The following L3MBTL4 variants were observed in gnomAD, a reference collection of about 807,000 sequenced individuals.
The protein encoded by L3MBTL4 is L3MBTL histone methyl-lysine binding protein 4.
Under a neutral mutation model 84.5 loss-of-function variants are expected in L3MBTL4, and 70 were observed. The observed-to-expected ratio is 0.83, with a 90% confidence interval of 0.68 to 1.01. The LOEUF is 1.01. L3MBTL4 is among the 50% of genes least tolerant of loss of function. L3MBTL4 has a pLI of 0.00. For synonymous variants in L3MBTL4, 274 were observed against 259.8 expected, an observed-to-expected ratio of 1.05 and a Z score of -0.52; for missense variants, 715 against 754.8, an observed-to-expected ratio of 0.95 and a Z score of 0.62.
intron 16 of L3MBTL4, among the ~76,000 whole-genome samples, chr18:6,023,152 C>T (rs554123291): frequency 1.7e-4 from 26 of 152,256 alleles, no homozygotes; most frequent in African/African-American, 6.0e-4. Context: ...CCAGTAAAGG[C>T]GTGGCTATAC....
At chr18:6,060,501 C>T (rs1206881704) in intron 16 of L3MBTL4, among the ~76,000 whole-genome samples, 1 of 151,670 alleles carries the variant, frequency 6.6e-6, no homozygotes, top group Non-Finnish European at 1.5e-5. Flanking sequence ...CCCCCTTTAC[C>T]CCTAATCCCA....
intron 5 of L3MBTL4, among the ~76,000 whole-genome samples, chr18:6,244,830 G>C (rs904145743): frequency 2.0e-5 from 3 of 152,206 alleles, no homozygotes; most frequent in Admixed American, 2.0e-4. Flanking sequence ...GTGTGAGTAT[G>C]CTTGATTCAA....
chr18:6,011,431 T>A (rs538722149), intron 16 of L3MBTL4, among the ~76,000 whole-genome samples: 1 of 152,196 alleles, frequency 6.6e-6, no homozygotes, highest in Non-Finnish European at 1.5e-5. Flanking sequence ...GACAGCTCTA[T>A]GGAATTCAAG....
chr18:6,245,670 A>G (rs1052149239), intron 5 of L3MBTL4, among the ~76,000 whole-genome samples: 3 of 150,608 alleles, frequency 2.0e-5, no homozygotes, highest in African/African-American at 4.9e-5. Flanking sequence ...GCTCACTGCA[A>G]CCTCCGCCTC....
intron 13 of L3MBTL4, among the ~76,000 whole-genome samples, chr18:6,149,855 CTT>C (rs1334517764): frequency 6.6e-6 from 1 of 152,196 alleles, no homozygotes; most frequent in Non-Finnish European, 1.5e-5. Flanking sequence ...CCCCTTCTCT[CTT>C]TCTCTCTCTC....
At chr18:6,398,009 C>T (rs373834904) in intron 1 of L3MBTL4, 8 of 152,128 alleles carry the variant, frequency 5.3e-5, no homozygotes, top group South Asian at 4.1e-4. Context: ...TTCCCTCTTA[C>T]ATTTTTGTTG....
At chr18:5,980,159 G>A (rs1027516205) in intron 16 of L3MBTL4, among the ~76,000 whole-genome samples, 7 of 152,170 alleles carry the variant, frequency 4.6e-5, no homozygotes, top group African/African-American at 1.2e-4. Context: ...GTCAGTCTGC[G>A]TTGTGGGGTG....
intron 15 of L3MBTL4, among the ~76,000 whole-genome samples, chr18:6,092,547 C>G (rs16949402): frequency 0.04 from 6,132 of 152,318 alleles, 155 homozygotes; most frequent in Admixed American, 0.061. Context: ...AGGTCTTGAA[C>G]ATGATTGCCT....
intron 1 of L3MBTL4, among the ~76,000 whole-genome samples, chr18:6,345,405 C>A (rs1209882662): frequency 6.6e-6 from 1 of 150,572 alleles, no homozygotes; most frequent in South Asian, 2.1e-4. Context: ...CAAAAACAAA[C>A]AAACAAACAA....
chr18:6,279,832 C>T (rs1459493843), intron 4 of L3MBTL4, among the ~76,000 whole-genome samples: 8 of 152,080 alleles, frequency 5.3e-5, no homozygotes, highest in Non-Finnish European at 1.2e-4. Context: ...TTCCCTTGAC[C>T]TTTTTCCTCT....
intron 1 of L3MBTL4, among the ~76,000 whole-genome samples, chr18:6,393,799 G>A (rs341225): frequency 3.8e-4 from 58 of 152,146 alleles, no homozygotes; most frequent in African/African-American, 1.3e-3. Context: ...TGGCCTCCAC[G>A]GCCAGTGATA....
intron 5 of L3MBTL4, among the ~76,000 whole-genome samples, chr18:6,257,262 C>T (rs922310179): frequency 2.6e-5 from 4 of 152,002 alleles, no homozygotes; most frequent in Non-Finnish European, 4.4e-5. Context: ...GAACCTCTCC[C>T]GGGAACCAGA....
At chr18:6,039,449 A>C (rs1234560485) in intron 16 of L3MBTL4, among the ~76,000 whole-genome samples, 3 of 152,200 alleles carry the variant, frequency 2.0e-5, no homozygotes, top group Non-Finnish European at 4.4e-5. Flanking sequence ...GTCTGTGCTA[A>C]AGAAAAGAGC....
chr18:6,292,857 A>G (rs997055416), intron 4 of L3MBTL4, among the ~76,000 whole-genome samples: 1 of 152,168 alleles, frequency 6.6e-6, no homozygotes, highest in Non-Finnish European at 1.5e-5. Context: ...TTTAATGGCT[A>G]CTGAAACCAC....
intron 4 of L3MBTL4, among the ~76,000 whole-genome samples, chr18:6,295,760 T>C (rs2050084327): frequency 6.6e-6 from 1 of 152,092 alleles, no homozygotes; most frequent in Non-Finnish European, 1.5e-5. Context: ...TCAGTGGAAA[T>C]ATAATTCTTT....
At chr18:6,042,349 A>T (rs2056441901) in intron 16 of L3MBTL4, among the ~76,000 whole-genome samples, 1 of 151,922 alleles carries the variant, frequency 6.6e-6, no homozygotes, top group Non-Finnish European at 1.5e-5. Context: ...CAAAACATAC[A>T]CACACACATA....
At chr18:6,110,988 C>G (rs562515067) in intron 14 of L3MBTL4, among the ~76,000 whole-genome samples, 64 of 152,210 alleles carry the variant, frequency 4.2e-4, no homozygotes, top group African/African-American at 1.5e-3. Flanking sequence ...CTCCCACCCC[C>G]CAGGTCCTAT....
intron 1 of L3MBTL4, among the ~76,000 whole-genome samples, chr18:6,340,080 C>A (rs2052535036): frequency 6.6e-6 from 1 of 152,010 alleles, no homozygotes; most frequent in African/African-American, 2.4e-5. Flanking sequence ...GCCAAAATAA[C>A]AACAGCCTAA....
At chr18:6,011,492 G>A (rs978850060) in intron 16 of L3MBTL4, among the ~76,000 whole-genome samples, 20 of 152,124 alleles carry the variant, frequency 1.3e-4, no homozygotes, top group African/African-American at 3.4e-4. Flanking sequence ...GGTATTAATC[G>A]AGTAGTATTC....
Sources: gnomAD v4.1 joint callset for allele counts (sites outside exome capture counted in the v4.1 genomes callset) on GRCh38, gnomAD v4.1.1 for gene constraint, MANE v1.5 for transcripts, NCBI Gene and HGNC (gene_info 2026-07-23, HGNC 2026-07-21) for gene names.